The following RASGRF2 variants were observed in gnomAD, a reference collection of about 807,000 sequenced individuals.
RASGRF2 encodes ras-specific guanine nucleotide-releasing factor 2.
RASGRF2 carries 76 observed loss-of-function variants against 151.0 expected under a neutral mutation model. The ratio of observed to expected loss-of-function variants is 0.50; its 90% CI spans 0.42 to 0.61. RASGRF2 has a LOEUF of 0.61. RASGRF2 is among the 20% of genes least tolerant of loss of function. RASGRF2 has a pLI of 0.00. For missense variants in RASGRF2, 1,148 were observed against 1,564.6 expected (o/e 0.73, Z 4.49); for synonymous variants, 504 against 566.5 (o/e 0.89, Z 1.57).
intron 1 of RASGRF2, among the ~76,000 whole-genome samples, chr5:80,996,518 TC>T (rs1402104039): frequency 3.6e-5 from 1 of 28,018 alleles, no homozygotes; most frequent in Admixed American, 3.1e-4. Flanking sequence ...CTCCTCCTCC[TC>T]CCCCTCCTCC....
chr5:81,133,521 TATATC>T (rs1753676881), intron 17 of RASGRF2, among the ~76,000 whole-genome samples: 1 of 152,222 alleles, frequency 6.6e-6, no homozygotes, highest in Non-Finnish European at 1.5e-5. Flanking sequence ...AATGAATAAA[TATATC>T]AGAGCACATC....
At chr5:80,984,400 A>G (rs1381005278) in intron 1 of RASGRF2, among the ~76,000 whole-genome samples, 3 of 152,166 alleles carry the variant, frequency 2.0e-5, no homozygotes, top group Non-Finnish European at 4.4e-5. Context: ...GATCCCCAAC[A>G]TGTTTTAGGT....
chr5:81,031,712 T>C (rs1049332429), intron 1 of RASGRF2, among the ~76,000 whole-genome samples: 1 of 152,016 alleles, frequency 6.6e-6, no homozygotes, highest in African/African-American at 2.4e-5. Flanking sequence ...GATCTAAAAT[T>C]GACACCCTAA....
intron 1 of RASGRF2, among the ~76,000 whole-genome samples, chr5:81,028,521 A>T (rs1750119412): frequency 6.6e-6 from 1 of 152,124 alleles, no homozygotes; most frequent in Non-Finnish European, 1.5e-5. Context: ...TAAAAAGTAC[A>T]TTTGGGACTC....
chr5:81,099,907 C>CTTTTTTTTTTTTTTTTT (rs577876645), intron 12 of RASGRF2, among the ~76,000 whole-genome samples: 4 of 125,022 alleles, frequency 3.2e-5, no homozygotes, highest in African/African-American at 9.1e-5. Context: ...TTTCTTTTTT[C>CTTTTTTTTTTTTTTTTT]TTTTTTTTTT....
chr5:81,212,630 T>C, intron 23 of RASGRF2, 67 bp downstream of exon 23: 1 of 1,364,124 alleles, frequency 7.3e-7, no homozygotes, highest in South Asian at 1.4e-5. Context: ...GGAGCCAAGT[T>C]AAATATTACT....
At chr5:81,180,430 C>A in intron 18 of RASGRF2, 149 bp downstream of exon 18, 1 of 599,104 alleles carries the variant, frequency 1.7e-6, no homozygotes, top group Non-Finnish European at 3.1e-6. Flanking sequence ...ATAGGCTAGG[C>A]ATACAGATCA....
At chr5:81,178,744 C>CTT (rs57705439) in intron 17 of RASGRF2, among the ~76,000 whole-genome samples, 5,664 of 147,594 alleles carry the variant, frequency 0.038, 124 homozygotes, top group African/African-American at 0.059. Flanking sequence ...GTATAGACAA[C>CTT]TTTTTTTTTT....
intron 1 of RASGRF2, among the ~76,000 whole-genome samples, chr5:80,969,093 T>C (rs1185272816): frequency 1.3e-5 from 2 of 150,872 alleles, no homozygotes; most frequent in East Asian, 1.9e-4. Context: ...CTTCTTTCCA[T>C]TTACCCAGCT....
At chr5:81,095,905 G>T (rs1464477300) in intron 12 of RASGRF2, among the ~76,000 whole-genome samples, 1 of 152,122 alleles carries the variant, frequency 6.6e-6, no homozygotes, top group African/African-American at 2.4e-5. Flanking sequence ...ATTTGTCAAA[G>T]AAGTTTTACA....
chr5:81,048,048 GC>G (rs975265670), intron 2 of RASGRF2, among the ~76,000 whole-genome samples: 2 of 152,106 alleles, frequency 1.3e-5, no homozygotes, highest in Non-Finnish European at 2.9e-5. Flanking sequence ...CTTAAAATCA[GC>G]CCTTTAGAGA....
intron 2 of RASGRF2, among the ~76,000 whole-genome samples, chr5:81,059,092 C>G (rs1380647948): frequency 6.6e-6 from 1 of 152,094 alleles, no homozygotes; most frequent in African/African-American, 2.4e-5. Flanking sequence ...CCGTTAAAAA[C>G]TGAAATCTTG....
intron 18 of RASGRF2, among the ~76,000 whole-genome samples, chr5:81,188,068 T>C (rs946035723): frequency 2.6e-5 from 4 of 152,124 alleles, no homozygotes; most frequent in African/African-American, 4.8e-5. Flanking sequence ...CTGTCACCTC[T>C]CCTGACGTTC....
At chr5:81,181,969 GA>G (rs36097847) in intron 18 of RASGRF2, among the ~76,000 whole-genome samples, 1 of 151,844 alleles carries the variant, frequency 6.6e-6, no homozygotes, top group Non-Finnish European at 1.5e-5. Context: ...TATTTTTGGT[GA>G]AAAAATTCAT....
intron 5 of RASGRF2, among the ~76,000 whole-genome samples, chr5:81,074,686 T>TA (rs899138547): frequency 1.3e-5 from 2 of 152,098 alleles, no homozygotes; most frequent in African/African-American, 2.4e-5. Context: ...AGCATTCTAT[T>TA]AAAAAAAATC....
chr5:81,104,524 C>T (rs1752791388), intron 12 of RASGRF2, among the ~76,000 whole-genome samples: 1 of 151,906 alleles, frequency 6.6e-6, no homozygotes, highest in African/African-American at 2.4e-5. Flanking sequence ...TATTATTTCC[C>T]CTTTCCAATT....
intron 1 of RASGRF2, among the ~76,000 whole-genome samples, chr5:80,991,749 T>C (rs570551912): frequency 7.2e-5 from 11 of 152,338 alleles, no homozygotes; most frequent in Non-Finnish European, 7.3e-5. Context: ...TTTAAAATAT[T>C]TTTCTCTTTA....
Position 81,112,609 on chromosome 5 carries a change from G to A in RASGRF2, c.1839-1G>A. ...CATCATGTTCCTGCCTTTGCACGTAGGTCTGATGCCCGTCTTCATAAAGAC... is the reference window on the plus strand; with the variant it reads ...CATCATGTTCCTGCCTTTGCACGTAAGTCTGATGCCCGTCTTCATAAAGAC... On this transcript the variant is annotated splice_acceptor_variant, in intron 13 of 26. Coordinates refer to ENST00000265080, the MANE Select transcript of RASGRF2 (RefSeq NM_006909.3). LOFTEE classifies it high-confidence loss of function. The A allele has an allele frequency of 6.2e-7, 1 of 1,614,122 alleles. No individual in the cohort carries two copies. Among genetic ancestry groups the A allele is most frequent in the Non-Finnish European group, 8.5e-7 (1 of 1,180,010 alleles).
intron 17 of RASGRF2, among the ~76,000 whole-genome samples, chr5:81,166,062 A>G (rs1283124020): frequency 6.6e-6 from 1 of 152,188 alleles, no homozygotes; most frequent in African/African-American, 2.4e-5. Context: ...ATGTAAACTC[A>G]TAGATGCAGT....
Sources: allele counts gnomAD v4.1 joint callset (sites outside exome capture counted in the v4.1 genomes callset), GRCh38; gene constraint gnomAD v4.1.1; transcripts MANE v1.5; gene names NCBI Gene and HGNC (gene_info 2026-07-23, HGNC 2026-07-21).